Variants in PCDHGA11 observed in about 807,000 individuals in gnomAD.
PCDHGA11 encodes protocadherin gamma subfamily A, 11.
In PCDHGA11, 39 loss-of-function variants were observed where a neutral mutation model predicts 60.4. The ratio of observed to expected loss-of-function variants is 0.65; its 90% CI spans 0.50 to 0.84. The LOEUF (loss-of-function observed/expected upper bound fraction) is 0.84, where lower values mean the gene tolerates loss of function less well. Ranked by LOEUF, PCDHGA11 falls within the 40% of genes least tolerant of loss-of-function variation. The probability of loss-of-function intolerance (pLI) is 0.00; values close to 1 mark genes in which losing one functional copy is unlikely to be tolerated. For synonymous variants in PCDHGA11, 533 were observed against 510.3 expected (o/e 1.04, Z -0.60); for missense variants, 1,165 against 1,197.7 (o/e 0.97, Z 0.40).
Position 141,437,358 on chromosome 5 carries a change from T to C in PCDHGA11, c.2433+13698T>C, listed in dbSNP as rs115917828. ...CTTCACTGTTTTATAGTACCTAAAATTGGAATGTAATCAGTCAGAAGACAT... is the reference window on the plus strand; with the variant it reads ...CTTCACTGTTTTATAGTACCTAAAACTGGAATGTAATCAGTCAGAAGACAT... On this transcript the variant is annotated intron_variant, in intron 1 of 3. Coordinates refer to ENST00000398587, the MANE Select transcript of PCDHGA11 (RefSeq NM_018914.3). 4.6e-3 allele frequency among the ~76,000 whole-genome samples: 702 copies of C among 152,356 alleles called. 4 individuals carry two copies. Among genetic ancestry groups the C allele is most frequent in the African/African-American group, 0.015 (639 of 41,574 alleles).
At chr5:141,453,420 C>A (rs2098764964) in intron 1 of PCDHGA11, among the ~76,000 whole-genome samples, 1 of 152,054 alleles carries the variant, frequency 6.6e-6, no homozygotes, top group African/African-American at 2.4e-5. Context: ...GCATAAGCCA[C>A]CACACCTAGC....
Position 141,431,442 on chromosome 5 carries a change from T to G in PCDHGA11, c.2433+7782T>G. 6.2e-7 allele frequency: 1 copy of G among 1,613,746 alleles called. No individual in the cohort carries two copies. The highest frequency in any genetic ancestry group is 1.7e-5 in the Admixed American group (1 of 60,014). The stretch of plus-strand genomic sequence containing the variant: ...CCGGTGCGCACAGGCACCGCGCGCA[T>G]CCGCGTGATGGTTCTGGATGCGAAC... On this transcript the variant is annotated intron_variant, in intron 1 of 3. Coordinates refer to ENST00000398587, the MANE Select transcript of PCDHGA11 (RefSeq NM_018914.3). This position sits in a 1 kb window ranked among gnomAD's most constrained non-coding sequence, Gnocchi z 4.8.
chr5:141,444,329 G>T (rs536314842), intron 1 of PCDHGA11, among the ~76,000 whole-genome samples: 1 of 151,792 alleles, frequency 6.6e-6, no homozygotes, highest in Admixed American at 6.6e-5. Context: ...GTGCCACCAC[G>T]CCCAGCTAAT....
chr5:141,455,738 A>G (rs896060095), intron 1 of PCDHGA11, among the ~76,000 whole-genome samples: 2 of 152,140 alleles, frequency 1.3e-5, no homozygotes, highest in Non-Finnish European at 2.9e-5. Flanking sequence ...TTGCATATCA[A>G]AGGTTGCTGG....
chr5:141,482,661 T>A (rs1215403061), intron 1 of PCDHGA11, among the ~76,000 whole-genome samples: 2 of 151,742 alleles, frequency 1.3e-5, no homozygotes, highest in African/African-American at 4.9e-5. Flanking sequence ...TGAGCTATGA[T>A]CTAAAGGTTG....
At chr5:141,457,550 A>G (rs1331411755) in intron 1 of PCDHGA11, among the ~76,000 whole-genome samples, 1 of 152,230 alleles carries the variant, frequency 6.6e-6, no homozygotes, top group Non-Finnish European at 1.5e-5. Flanking sequence ...CAAATGTATG[A>G]TAAGCTTTGG....
At position 141,485,326 on chromosome 5, in the gene PCDHGA11, T is replaced by C. The variant is rs2154580391; in HGVS notation, c.2434-9481T>C. On this transcript the variant is annotated intron_variant, in intron 1 of 3. Coordinates refer to ENST00000398587, the MANE Select transcript of PCDHGA11 (RefSeq NM_018914.3). This position sits in a 1 kb window ranked among gnomAD's most constrained non-coding sequence, Gnocchi z 5.7. ...CTTTTGTAGGGAATGTCGCTCAAGATTTCCTGCTGGATACGGACAGTCTGT... is the reference window on the plus strand; with the variant it reads ...CTTTTGTAGGGAATGTCGCTCAAGACTTCCTGCTGGATACGGACAGTCTGT... 1 of 1,614,106 alleles carries C rather than the reference T, an allele frequency of 6.2e-7. No homozygotes were observed. The highest frequency in any genetic ancestry group is 1.7e-5 in the Admixed American group (1 of 60,028).
chr5:141,450,903 C>T (rs1468232105), intron 1 of PCDHGA11, among the ~76,000 whole-genome samples: 3 of 151,086 alleles, frequency 2.0e-5, no homozygotes, highest in African/African-American at 7.3e-5. Context: ...CGGCTCACTG[C>T]AACCGCTGCC....
Position 141,485,172 on chromosome 5 carries a change from C to A in PCDHGA11, c.2434-9635C>A. ...CAAGTAGAGAATTAGCGGGCGGCAG[C>A]AATGCTCCGCAAGGTGAGAAGCTGG... On this transcript the variant is annotated intron_variant, in intron 1 of 3. Transcript: ENST00000398587. The surrounding 1 kb of genome is among the most constrained non-coding windows in gnomAD (Gnocchi z 5.7). 6.2e-7 allele frequency: 1 copy of A among 1,610,164 alleles called. No individual in the cohort carries two copies. The highest frequency in any genetic ancestry group is 8.5e-7 in the Non-Finnish European group (1 of 1,176,940).
chr5:141,512,068 C>T lies in PCDHGA11; in HGVS notation c.*895C>T, dbSNP rs1215311369. 6.6e-6 allele frequency: 1 copy of T among 152,664 alleles called. No individual in the cohort carries two copies. The highest frequency in any genetic ancestry group is 1.5e-5 in the Non-Finnish European group (1 of 68,066). The allele number at this position is 152,664 out of a possible 1,614,324, so 9.5% of individuals were successfully genotyped here. On this transcript the variant is annotated 3_prime_UTR_variant, in exon 4 of 4. Transcript: ENST00000398587. The stretch of plus-strand genomic sequence containing the variant: ...TCCTCAGGGGACTGACAACATCCTC[C>T]AGATTCCAGCCATAAACCAATAACT...
intron 1 of PCDHGA11, among the ~76,000 whole-genome samples, chr5:141,454,420 T>C (rs889393211): frequency 6.6e-6 from 1 of 152,218 alleles, no homozygotes; most frequent in African/African-American, 2.4e-5. Context: ...TATTTATTTA[T>C]TTAGAGACAG....
At chr5:141,482,371 T>C (rs1191880709) in intron 1 of PCDHGA11, among the ~76,000 whole-genome samples, 2 of 152,100 alleles carry the variant, frequency 1.3e-5, no homozygotes, top group African/African-American at 2.4e-5. Flanking sequence ...AAGTAATGCA[T>C]ATAAAGTCCC....
chr5:141,489,084 C>G lies in PCDHGA11; in HGVS notation c.2434-5723C>G. ...CTCCCCCCTGCCCACCCCCGCCACT[C>G]GGTGACTAAGAACTGCTGCAAGCAG... On this transcript the variant is annotated intron_variant, in intron 1 of 3. Transcript: ENST00000398587. This position sits in a 1 kb window ranked among gnomAD's most constrained non-coding sequence, Gnocchi z 4.5. 6.1e-6 allele frequency: 2 copies of G among 329,126 alleles called. No homozygotes were observed. The highest frequency in any genetic ancestry group is 2.5e-5 in the African/African-American group (1 of 40,384). 20.4% of individuals were successfully genotyped at this position (329,126 alleles called of 1,614,324 possible). A position where few individuals can be genotyped will look rare whatever the true frequency, so the allele number is the denominator to read the frequency against.
intron 1 of PCDHGA11, chr5:141,484,865 G>A (rs1431313212): frequency 3.6e-6 from 1 of 278,548 alleles, no homozygotes; most frequent in Non-Finnish European, 6.7e-6. Flanking sequence ...GGGTGGGGGA[G>A]CGTGGAGGAT....
chr5:141,433,993 T>G (rs1367687577), intron 1 of PCDHGA11, among the ~76,000 whole-genome samples: 1 of 152,216 alleles, frequency 6.6e-6, no homozygotes, highest in Non-Finnish European at 1.5e-5. Context: ...GAGTTTTATA[T>G]TCTCTATATA....
At chr5:141,467,285 T>G (rs6870144) in intron 1 of PCDHGA11, among the ~76,000 whole-genome samples, 42,564 of 152,010 alleles carry the variant, frequency 0.28, 6,785 homozygotes, top group African/African-American at 0.45. Context: ...ACTCTTGACC[T>G]CAAGTGATCC....
intron 2 of PCDHGA11, among the ~76,000 whole-genome samples, chr5:141,502,866 C>CTCTTTTTTT (rs1554188502): frequency 7.8e-6 from 1 of 128,046 alleles, no homozygotes; most frequent in African/African-American, 3.1e-5. Context: ...GACTCTCTGT[C>CTCTTTTTTT]TTTTTTTTTT....
rs1387152450 is a variant in PCDHGA11 at position 141,487,754 on chromosome 5, G to A, written c.2434-7053G>A. The A allele has an allele frequency of 1.3e-6, 2 of 1,552,036 alleles. No individual in the cohort carries two copies. Among genetic ancestry groups the A allele is most frequent in the Admixed American group, 3.9e-5 (2 of 50,970 alleles). ...CATTTTTGTAAGAGGTAACTATGTG[G>A]TAGACGCTGTGCTTTGTAACTGTTT... On this transcript the variant is annotated intron_variant, in intron 1 of 3. Transcript: ENST00000398587. This position sits in a 1 kb window ranked among gnomAD's most constrained non-coding sequence, Gnocchi z 5.0.
intron 1 of PCDHGA11, chr5:141,430,691 G>A (rs1479214920): frequency 7.1e-7 from 1 of 1,416,592 alleles, no homozygotes; most frequent in Non-Finnish European, 9.4e-7. Context: ...CCATTCTATG[G>A]GCGAAGGAAC....
Sources: gnomAD v4.1 joint callset for allele counts (sites outside exome capture counted in the v4.1 genomes callset) on GRCh38, gnomAD v4.1.1 for gene constraint, Gnocchi (gnomAD v3.1) non-coding constraint, MANE v1.5 for transcripts, NCBI Gene and HGNC (gene_info 2026-07-23, HGNC 2026-07-21) for gene names.